The following GGCX variants were observed in gnomAD, a reference collection of about 807,000 sequenced individuals.
GGCX encodes gamma-glutamyl carboxylase, also known as vitamin K-dependent gamma-carboxylase.
A neutral mutation model predicts 88.5 loss-of-function variants in GGCX; 63 were observed. The ratio of observed to expected loss-of-function variants is 0.71; its 90% CI spans 0.58 to 0.88. The LOEUF is 0.88. GGCX is among the 40% of genes least tolerant of loss of function. The pLI is 0.00. For synonymous variants in GGCX, 368 were observed against 365.8 expected (o/e 1.01, Z -0.07); for missense variants, 805 against 932.9 (o/e 0.86, Z 1.79).
At chr2:85,552,811 C>G (rs1692019439) in intron 9 of GGCX, 128 bp downstream of exon 9, 1 of 1,054,984 alleles carries the variant, frequency 9.5e-7, no homozygotes, top group Non-Finnish European at 1.5e-6. Flanking sequence ...ATAGTTCAAT[C>G]TGGCTCTTGA....
chr2:85,554,405 T>A, intron 6 of GGCX, 99 bp from the exon 7 acceptor site: 2 of 1,027,130 alleles, frequency 1.9e-6, no homozygotes, highest in South Asian at 2.5e-5. Flanking sequence ...AGTGGCTGGG[T>A]AGATGCCTAA....
intron 14 of GGCX, 109 bp from the exon 15 acceptor site, chr2:85,550,235 T>A: frequency 1.3e-6 from 1 of 789,880 alleles, no homozygotes; most frequent in Non-Finnish European, 2.2e-6. Flanking sequence ...CACAGGCATA[T>A]ATGGGAATCT....
rs75294795 is a variant in GGCX at position 85,554,181 on chromosome 2, G to A, written c.851C>T (p.Ser284Phe). 6.2e-7 allele frequency: 1 copy of A among 1,613,144 alleles called. No individual in the cohort carries two copies. Among genetic ancestry groups the A allele is most frequent in the Non-Finnish European group, 8.5e-7 (1 of 1,179,122 alleles). The change falls in exon 7 of 15, where the codon TCC becomes TTC. Residue 284 changes from serine (S) to phenylalanine (F), a missense_variant. Physicochemically the swap from Ser to Phe is radical, Grantham distance 155 (BLOSUM62 -2). Coordinates refer to ENST00000233838, the MANE Select transcript of GGCX (RefSeq NM_000821.7). The stretch of plus-strand genomic sequence containing the variant: ...CTGGGAATTCATGCAGTGGAAGTAG[G>A]ACACAAAGAACAGGCCAATGGATCT... Reference protein sequence around the residue: ...VSRSIGLFFVSYFHCMNSQLF... With the variant: ...VSRSIGLFFVFYFHCMNSQLF...
intron 6 of GGCX, 160 bp from the exon 7 acceptor site, chr2:85,554,466 G>GTTGTTGTTGTTC: frequency 1.5e-6 from 1 of 670,308 alleles, no homozygotes; most frequent in South Asian, 1.6e-5. Context: ...TGTTGTTGTT[G>GTTGTTGTTGTTC]TTGTTGTTGT....
chr2:85,553,662 TG>T, intron 7 of GGCX, 165 bp from the exon 8 acceptor site: 1 of 664,470 alleles, frequency 1.5e-6, no homozygotes, highest in Non-Finnish European at 2.6e-6. Context: ...TGCAGTGGCG[TG>T]ATCTCAGCTC....
chr2:85,558,398 T>G, intron 4 of GGCX, 42 bp downstream of exon 4: 2 of 1,558,092 alleles, frequency 1.3e-6, no homozygotes, highest in Non-Finnish European at 1.8e-6. Flanking sequence ...ATAACCATCC[T>G]GACCCAGCCA....
At chr2:85,552,717 T>G in intron 9 of GGCX, 150 bp from the exon 10 acceptor site, 1 of 984,660 alleles carries the variant, frequency 1.0e-6, no homozygotes, top group East Asian at 2.4e-5. Context: ...TTTTTCATTG[T>G]TGGGCTAGTG....
chr2:85,552,333 A>G, intron 10 of GGCX, 83 bp downstream of exon 10: 2 of 1,321,830 alleles, frequency 1.5e-6, no homozygotes, highest in South Asian at 2.4e-5. Context: ...TTTAAGCAAG[A>G]CAATACCAGG....
intron 4 of GGCX, among the ~76,000 whole-genome samples, chr2:85,558,001 C>T (rs1412023763): frequency 6.6e-6 from 1 of 152,158 alleles, no homozygotes; most frequent in Non-Finnish European, 1.5e-5. Flanking sequence ...CTGAGCAGCC[C>T]TGGTGGGCCC....
At position 85,558,497 on chromosome 2, in the gene GGCX, G is replaced by C; in HGVS notation, c.482C>G (p.Ser161Cys). The C allele has an allele frequency of 6.2e-7, 1 of 1,613,280 alleles. No individual in the cohort carries two copies. Reference protein sequence around the residue: ...LLDKTSWNNHSYLYGLLAFQL... With the variant: ...LLDKTSWNNHCYLYGLLAFQL... ...AAAGGCCAACAACCCATACAGATAG[G>C]AGTGGTTGTTCCATGATGTCTTGTC... Residue 161 changes from serine to cysteine, a missense_variant, in exon 4 of 15, where the codon TCC becomes TGC. Ser to Cys is a moderately radical substitution (Grantham distance 112). Transcript: ENST00000233838.
At position 85,551,506 on chromosome 2, in the gene GGCX, T is replaced by C. The variant is rs1323550215; in HGVS notation, c.1714A>G (p.Thr572Ala). ...TGCATTTTTTCTCCCTCTCGAAGAGTCTGGTTCTTCTGTTCTGCCACAAGC... is the reference window on the plus strand; with the variant it reads ...TGCATTTTTTCTCCCTCTCGAAGAGCCTGGTTCTTCTGTTCTGCCACAAGC... ...VELVAEQKNQ[T>A]LREGEKMQLP... is the part of the protein sequence containing the mutation. The change falls in exon 12 of 15, where the codon ACT becomes GCT. Residue 572 changes from threonine to alanine, a missense_variant. Physicochemically the swap from Thr to Ala is moderately conservative, Grantham distance 58 (BLOSUM62 0). Coordinates refer to ENST00000233838, the MANE Select transcript of GGCX (RefSeq NM_000821.7). 3 of 1,613,848 alleles carry C rather than the reference T, an allele frequency of 1.9e-6. No homozygotes were observed. Among genetic ancestry groups the C allele is most frequent in the Non-Finnish European group, 2.5e-6 (3 of 1,179,976 alleles).
At chr2:85,555,051 GTGACCC>G (rs1356569672) in intron 6 of GGCX, 1 of 168,746 alleles carries the variant, frequency 5.9e-6, no homozygotes, top group East Asian at 1.6e-4. Flanking sequence ...AATCAGAAAG[GTGACCC>G]TTTGTTTTGT....
chr2:85,560,352 C>G (rs938927548), intron 2 of GGCX, among the ~76,000 whole-genome samples: 4 of 151,942 alleles, frequency 2.6e-5, no homozygotes, highest in African/African-American at 4.8e-5. Flanking sequence ...TTTGGGAGGC[C>G]GAGGCAGGCG....
In GGCX at chr2:85,555,466, A is replaced by T; in HGVS notation, c.725+18T>A. ...GTACCCATGCCTCAAAGAGGCCTCC[A>T]CCATGACTGCCACTCACTTGAAGGG... On this transcript the variant is annotated intron_variant, in intron 6 of 14. Transcript: ENST00000233838. The T allele has an allele frequency of 8.0e-7, 1 of 1,257,482 alleles. No individual in the cohort carries two copies. The highest frequency in any genetic ancestry group is 1.2e-5 in the South Asian group (1 of 83,902). 77.9% of individuals were successfully genotyped at this position (1,257,482 alleles called of 1,614,324 possible).
At position 85,556,239 on chromosome 2, in the gene GGCX, A is replaced by G; in HGVS notation, c.561T>C (p.Asn187=). 6.2e-7 allele frequency: 1 copy of G among 1,612,262 alleles called. No homozygotes were observed. The highest frequency in any genetic ancestry group is 8.5e-7 in the Non-Finnish European group (1 of 1,178,404). Residue 187 remains asparagine, a synonymous_variant, in exon 5 of 15, where the codon AAT becomes AAC. Coordinates refer to ENST00000233838, the MANE Select transcript of GGCX (RefSeq NM_000821.7). ...GCACGTGGGCATTCCTCCTATGGGC[A>G]TTCAGCAGACCGTCCACAGACCTAC... ...NHYWSVDGLL[N]AHRRNAHVPL...
At chr2:85,550,251 C>G (rs1355355340) in intron 14 of GGCX, 125 bp from the exon 15 acceptor site, 5 of 743,600 alleles carry the variant, frequency 6.7e-6, no homozygotes, top group African/African-American at 5.2e-5. Context: ...AATCTCCCCC[C>G]AAGTGACCCT....
rs1692037829 is a variant in GGCX, at chr2:85,553,050, A to G, written c.1176T>C (p.Asn392=). The G allele has an allele frequency of 2.5e-6, 4 of 1,614,042 alleles. No homozygotes were observed. In the African/African-American group the frequency reaches 4.0e-5, roughly 16 times the overall value. The change falls in exon 9 of 15, where the codon AAT becomes AAC. Residue 392 remains asparagine, a synonymous_variant. Coordinates refer to ENST00000233838, the MANE Select transcript of GGCX (RefSeq NM_000821.7). ...TGTCCCAGGAATAGCCATACAGCCCATTTGTCCAGTTGTTATAGCCCTGGG... is the reference window on the plus strand; with the variant it reads ...TGTCCCAGGAATAGCCATACAGCCCGTTTGTCCAGTTGTTATAGCCCTGGG... The part of the protein sequence containing the change: ...FLTQGYNNWT[N]GLYGYSWDMM...
At chr2:85,555,950 A>T (rs974778388) in intron 5 of GGCX, among the ~76,000 whole-genome samples, 7 of 152,230 alleles carry the variant, frequency 4.6e-5, no homozygotes, top group African/African-American at 1.7e-4. Context: ...TCTCTTTGTC[A>T]TGAGGATTCC....
At chr2:85,552,654 T>G in intron 9 of GGCX, 87 bp from the exon 10 acceptor site, 2 of 1,292,146 alleles carry the variant, frequency 1.5e-6, no homozygotes, top group South Asian at 2.4e-5. Context: ...ACGAGATCCC[T>G]GCCTGCTGCC....
Sources: allele counts gnomAD v4.1 joint callset (sites outside exome capture counted in the v4.1 genomes callset), GRCh38; gene constraint gnomAD v4.1.1; transcripts MANE v1.5; gene names NCBI Gene and HGNC (gene_info 2026-07-23, HGNC 2026-07-21).